Variants in AANAT observed in about 807,000 individuals in gnomAD.
AANAT encodes serotonin N-acetyltransferase.
A neutral mutation model predicts 15.6 loss-of-function variants in AANAT; 11 were observed. The observed-to-expected ratio is 0.71, with a 90% CI of 0.44 to 1.17. The LOEUF (loss-of-function observed/expected upper bound fraction) is 1.17, where lower values mean the gene tolerates loss of function less well. Among genes scored for constraint, AANAT ranks in the 50% most tolerant of loss-of-function variants. The pLI is 0.00. For synonymous variants in AANAT, 139 were observed against 131.5 expected, an observed-to-expected ratio of 1.06 and a Z score of -0.39; for missense variants, 286 against 296.3, an observed-to-expected ratio of 0.97 and a Z score of 0.26.
chr17:76,458,904 A>G (rs1298310539), intron 1 of AANAT, among the ~76,000 whole-genome samples: 1 of 151,070 alleles, frequency 6.6e-6, no homozygotes, highest in Non-Finnish European at 1.5e-5. Context: ...GCCTTGGGAA[A>G]CCCCCCACAC....
Position 76,469,871 on chromosome 17 carries a change from C to G in AANAT, c.525C>G (p.Ala175=). Residue 175 remains alanine (A), a synonymous_variant, in exon 4 of 4, where the codon GCC becomes GCG. Coordinates refer to ENST00000392492, the MANE Select transcript of AANAT (RefSeq NM_001088.3). This position sits in a 1 kb window ranked among gnomAD's most constrained non-coding sequence, Gnocchi z 5.2. ...TCTATGAGAGGTTCAGCTTCCACGCCGTGGGCCCCTGCGCCATCACCGTGG... is the reference window on the plus strand; with the variant it reads ...TCTATGAGAGGTTCAGCTTCCACGCGGTGGGCCCCTGCGCCATCACCGTGG... ...VPFYERFSFH[A]VGPCAITVGS... The G allele has an allele frequency of 6.3e-7, 1 of 1,593,204 alleles. No individual in the cohort carries two copies. Among genetic ancestry groups the G allele is most frequent in the South Asian group, 1.1e-5 (1 of 87,948 alleles).
intron 1 of AANAT, among the ~76,000 whole-genome samples, chr17:76,456,334 GAAAA>G (rs60616607): frequency 1.8e-3 from 262 of 142,644 alleles, no homozygotes; most frequent in Non-Finnish European, 2.6e-3. Flanking sequence ...TCCATCTCAG[GAAAA>G]AAAAAAAAAA....
At chr17:76,465,408 T>C (rs1238633678), upstream of AANAT, among the ~76,000 whole-genome samples, 6 of 150,194 alleles carry the variant, frequency 4.0e-5, no homozygotes, top group Non-Finnish European at 7.4e-5. Context: ...CAGTGGCTCA[T>C]CACTGCAGCC....
chr17:76,461,723 G>A (rs2073390945), intron 2 of AANAT, among the ~76,000 whole-genome samples: 1 of 151,936 alleles, frequency 6.6e-6, no homozygotes, highest in Admixed American at 6.6e-5. Context: ...GATGGAGTAA[G>A]TGTAAGGACT....
chr17:76,460,150 T>A (rs2073374676), intron 2 of AANAT, among the ~76,000 whole-genome samples: 1 of 85,930 alleles, frequency 1.2e-5, no homozygotes, highest in African/African-American at 3.2e-5. Context: ...TTTTTTTTTT[T>A]TTTTTTTTTT....
chr17:76,455,017 C>T (rs930979084), intron 1 of AANAT, among the ~76,000 whole-genome samples: 4 of 152,138 alleles, frequency 2.6e-5, no homozygotes, highest in Non-Finnish European at 5.9e-5. Flanking sequence ...ATCCCAGCTA[C>T]TCGGAAGGCT....
chr17:76,466,475 G>T (rs775123061), upstream of AANAT, among the ~76,000 whole-genome samples: 12 of 152,158 alleles, frequency 7.9e-5, no homozygotes, highest in Non-Finnish European at 1.5e-4. Flanking sequence ...GTATGGGTAG[G>T]AACAGGAGCT....
In AANAT at chr17:76,468,870, C is replaced by G. The variant is rs1251921910; in HGVS notation, c.124C>G (p.Pro42Ala). 6.2e-7 allele frequency: 1 copy of G among 1,613,554 alleles called. No homozygotes were observed. Among genetic ancestry groups the G allele is most frequent in the Non-Finnish European group, 8.5e-7 (1 of 1,180,030 alleles). ...TGCCAGTGAGTTTCGCTGCCTCACC[C>G]CGGAGGACGCTGTCAGCGCCTTTGA... ...LPASEFRCLTPEDAVSAFEIE... is the reference protein window; with the variant it reads ...LPASEFRCLTAEDAVSAFEIE... Residue 42 changes from proline to alanine, a missense_variant, in exon 2 of 4, where the codon CCG becomes GCG. Pro to Ala is a conservative substitution (Grantham distance 27, BLOSUM62 -1). Transcript: ENST00000392492.
intron 2 of AANAT, among the ~76,000 whole-genome samples, chr17:76,461,672 C>T (rs181430928): frequency 6.9e-6 from 1 of 145,856 alleles, no homozygotes; most frequent in East Asian, 2.0e-4. Context: ...ATCAATCAGT[C>T]AGTGGTGGGT....
chr17:76,460,460 A>AT (rs1296696209), intron 2 of AANAT, among the ~76,000 whole-genome samples: 2 of 150,658 alleles, frequency 1.3e-5, no homozygotes, highest in Non-Finnish European at 3.0e-5. Flanking sequence ...CCTGTTTTTT[A>AT]TTTTTTTATT....
chr17:76,469,173 C>G lies in AANAT; in HGVS notation c.164C>G (p.Ala55Gly). 6.2e-7 allele frequency: 1 copy of G among 1,614,060 alleles called. No homozygotes were observed. Among genetic ancestry groups the G allele is most frequent in the Non-Finnish European group, 8.5e-7 (1 of 1,179,984 alleles). Residue 55 changes from alanine to glycine, a missense_variant and splice_region_variant, in exon 3 of 4, where the codon GCC becomes GGC. Coordinates refer to ENST00000392492, the MANE Select transcript of AANAT (RefSeq NM_001088.3). The surrounding 1 kb of genome is among the most constrained non-coding windows in gnomAD (Gnocchi z 5.2). The part of the protein sequence containing the change: ...AVSAFEIERE[A>G]FISVLGVCPL... The stretch of plus-strand genomic sequence containing the variant: ...CACCCACCTGAGCCTCCTGCCACAG[C>G]CTTCATCTCCGTCTTGGGCGTCTGC...
intron 1 of AANAT, among the ~76,000 whole-genome samples, chr17:76,454,083 G>A (rs1471068745): frequency 3.9e-5 from 6 of 152,204 alleles, no homozygotes; most frequent in Admixed American, 2.0e-4. Context: ...TAGCTCCTTC[G>A]ATAAGCTTAA....
chr17:76,458,747 C>T (rs1047745555), intron 1 of AANAT, among the ~76,000 whole-genome samples: 2 of 152,194 alleles, frequency 1.3e-5, no homozygotes, highest in Admixed American at 6.5e-5. Context: ...CTGCCCTCTG[C>T]GGGAGCCTGC....
In AANAT at chr17:76,469,061, A is replaced by G. The variant is rs2073478078; in HGVS notation, c.164-112A>G. On this transcript the variant is annotated intron_variant, in intron 2 of 3. Coordinates refer to ENST00000392492, the MANE Select transcript of AANAT (RefSeq NM_001088.3). The surrounding 1 kb of genome is among the most constrained non-coding windows in gnomAD (Gnocchi z 5.2). ...GAAAGTGGGGGAAACAGCAGCCCTA[A>G]CCCCCATTTTCCTGTGGGGAACGGG... The G allele has an allele frequency of 6.6e-7, 1 of 1,515,966 alleles. No individual in the cohort carries two copies. Among genetic ancestry groups the G allele is most frequent in the South Asian group, 1.2e-5 (1 of 81,936 alleles). 93.9% of individuals were successfully genotyped at this position (1,515,966 alleles called of 1,614,324 possible).
intron 1 of AANAT, among the ~76,000 whole-genome samples, chr17:76,456,022 G>A (rs113102882): frequency 3.3e-5 from 5 of 151,834 alleles, no homozygotes; most frequent in African/African-American, 1.2e-4. Flanking sequence ...CAAAAAAAGA[G>A]AGAGAAAAGT....
At chr17:76,457,480 G>A (rs1191587026) in intron 1 of AANAT, among the ~76,000 whole-genome samples, 2 of 152,180 alleles carry the variant, frequency 1.3e-5, no homozygotes, top group East Asian at 1.9e-4. Flanking sequence ...CCTGGAAGAC[G>A]TGTTGTGTTT....
At chr17:76,463,832 T>C (rs1166629186), upstream of AANAT, among the ~76,000 whole-genome samples, 1 of 152,222 alleles carries the variant, frequency 6.6e-6, no homozygotes. Context: ...CGTGTGGTGA[T>C]ACACATCCTC....
At chr17:76,467,564 G>A (rs937421415), upstream of AANAT, 3 of 985,506 alleles carry the variant, frequency 3.0e-6, no homozygotes, top group African/African-American at 1.7e-5. Flanking sequence ...GTGGGGTGGG[G>A]GGATTACAAA....
chr17:76,470,112 G>C lies in AANAT; in HGVS notation c.*142G>C, dbSNP rs1213784671. On this transcript the variant is annotated 3_prime_UTR_variant, in exon 4 of 4. Transcript: ENST00000392492. ...AGAGGAGATAAGGTGGCTTCTCACGGCCTGAGCTGGAGTGGTGTGTCTTGT... is the reference window on the plus strand; with the variant it reads ...AGAGGAGATAAGGTGGCTTCTCACGCCCTGAGCTGGAGTGGTGTGTCTTGT... The C allele has an allele frequency of 1.1e-6, 1 of 921,104 alleles. No homozygotes were observed. The highest frequency in any genetic ancestry group is 3.5e-5 in the Admixed American group (1 of 28,930). The allele number at this position is 921,104 out of a possible 1,614,324, so 57.1% of individuals were successfully genotyped here.
Sources: gnomAD v4.1 joint callset for allele counts (sites outside exome capture counted in the v4.1 genomes callset) on GRCh38, gnomAD v4.1.1 for gene constraint, Gnocchi (gnomAD v3.1) non-coding constraint, MANE v1.5 for transcripts, NCBI Gene and HGNC (gene_info 2026-07-23, HGNC 2026-07-21) for gene names.